Variants in CHST11 observed in about 807,000 individuals in gnomAD.
CHST11 encodes the protein C4S-1.
CHST11 carries 9 observed loss-of-function variants against 30.4 expected under a neutral mutation model. The ratio of observed to expected loss-of-function variants is 0.30; its 90% CI spans 0.18 to 0.52. CHST11 has a LOEUF of 0.52. Among genes scored for constraint, CHST11 ranks in the 20% least tolerant of loss-of-function variants. CHST11 has a pLI of 0.97. For missense variants in CHST11, 348 were observed against 460.6 expected, an observed-to-expected ratio of 0.76 and a Z score of 2.24; for synonymous variants, 152 against 187.8, an observed-to-expected ratio of 0.81 and a Z score of 1.56.
intron 2 of CHST11, among the ~76,000 whole-genome samples, chr12:104,685,873 T>C (rs2039841672): frequency 6.6e-6 from 1 of 152,192 alleles, no homozygotes; most frequent in Non-Finnish European, 1.5e-5. Flanking sequence ...ATTCCTGTGC[T>C]ATTTGGGGAC....
chr12:104,529,019 A>G (rs1167355165), intron 1 of CHST11, among the ~76,000 whole-genome samples: 1 of 152,248 alleles, frequency 6.6e-6, no homozygotes, highest in Non-Finnish European at 1.5e-5. Flanking sequence ...CCATCAGGAA[A>G]TAGCTGTGTC....
At chr12:104,602,197 G>A in intron 2 of CHST11, 2 of 594,298 alleles carry the variant, frequency 3.4e-6, no homozygotes, top group South Asian at 4.2e-5. Flanking sequence ...TTAGAGAAAT[G>A]CCTAGGTTTA....
chr12:104,695,282 T>C (rs969465898), intron 2 of CHST11, among the ~76,000 whole-genome samples: 1 of 152,180 alleles, frequency 6.6e-6, no homozygotes, highest in Non-Finnish European at 1.5e-5. Flanking sequence ...GGGCCTCAGC[T>C]CAGCCCCCTC....
In CHST11 at chr12:104,457,160, G is replaced by A. The variant is rs140095841; in HGVS notation, c.-252G>A. On this transcript the variant is annotated 5_prime_UTR_variant, in exon 1 of 3. Transcript: ENST00000303694. ...ATCGGAGGAGGCGGCGGAGCGGCGA[G>A]GAGGAGGAGCAGGAGCGCGCAGCCA... is the stretch of plus-strand genomic sequence containing the variant. 195 of 311,858 alleles carry A rather than the reference G, an allele frequency of 6.3e-4. 2 individuals are homozygous for A. In the South Asian group the frequency reaches 0.011, roughly 17 times the overall value. The allele number at this position is 311,858 out of a possible 1,614,324, so 19.3% of individuals were successfully genotyped here. A position where few individuals can be genotyped will look rare whatever the true frequency, so the allele number is the denominator to read the frequency against.
At chr12:104,668,467 G>T (rs1231173889) in intron 2 of CHST11, among the ~76,000 whole-genome samples, 1 of 152,130 alleles carries the variant, frequency 6.6e-6, no homozygotes, top group Non-Finnish European at 1.5e-5. Flanking sequence ...TCAGCTGAAG[G>T]ACTTGTGAGT....
intron 1 of CHST11, among the ~76,000 whole-genome samples, chr12:104,495,333 G>A (rs144146677): frequency 0.014 from 2,096 of 152,208 alleles, 24 homozygotes; most frequent in Middle Eastern, 0.024. Flanking sequence ...TGAAAGAATT[G>A]AAAGAAGTGG....
chr12:104,662,889 G>C (rs544469886), intron 2 of CHST11, among the ~76,000 whole-genome samples: 2 of 152,112 alleles, frequency 1.3e-5, no homozygotes, highest in African/African-American at 4.8e-5. Flanking sequence ...ACTGACCTCC[G>C]TGAAGGAATT....
intron 2 of CHST11, among the ~76,000 whole-genome samples, chr12:104,726,502 C>A (rs1299651137): frequency 6.6e-6 from 1 of 152,176 alleles, no homozygotes; most frequent in East Asian, 1.9e-4. Context: ...AAAATAGACT[C>A]TTTCCACAGA....
At chr12:104,620,509 A>G (rs2039149449) in intron 2 of CHST11, among the ~76,000 whole-genome samples, 1 of 152,208 alleles carries the variant, frequency 6.6e-6, no homozygotes, top group East Asian at 1.9e-4. Context: ...AAATGGGCTG[A>G]TTTAGCGCTG....
At chr12:104,584,625 A>G (rs2038783753) in intron 1 of CHST11, among the ~76,000 whole-genome samples, 1 of 152,100 alleles carries the variant, frequency 6.6e-6, no homozygotes, top group South Asian at 2.1e-4. Flanking sequence ...CCCGACCCAC[A>G]TAATATTTTG....
intron 1 of CHST11, among the ~76,000 whole-genome samples, chr12:104,599,728 G>A (rs1203298763): frequency 2.0e-5 from 3 of 152,204 alleles, no homozygotes; most frequent in Admixed American, 6.5e-5. Context: ...TGGGCATGTA[G>A]CTATGTTTGG....
chr12:104,503,068 T>TATAG (rs1182618124), intron 1 of CHST11, among the ~76,000 whole-genome samples: 17 of 152,318 alleles, frequency 1.1e-4, no homozygotes, highest in African/African-American at 4.1e-4. Context: ...GAGAGTAATG[T>TATAG]ATAGATGCAG....
chr12:104,624,570 TA>T (rs1476868771), intron 2 of CHST11, among the ~76,000 whole-genome samples: 2 of 152,198 alleles, frequency 1.3e-5, no homozygotes, highest in Admixed American at 1.3e-4. Context: ...AGAATTCATG[TA>T]AAATGAAGAT....
chr12:104,714,739 T>C (rs1354305123), intron 2 of CHST11, among the ~76,000 whole-genome samples: 1 of 152,136 alleles, frequency 6.6e-6, no homozygotes, highest in Non-Finnish European at 1.5e-5. Context: ...AGGTGCAGCG[T>C]GGGGTAGAGA....
intron 2 of CHST11, among the ~76,000 whole-genome samples, chr12:104,691,654 A>AT (rs1347970646): frequency 2.6e-5 from 4 of 151,350 alleles, no homozygotes; most frequent in South Asian, 2.1e-4. Flanking sequence ...TGCCCAGCTA[A>AT]TTTTTTTTTA....
At chr12:104,462,167 C>CAAAAAAAAAAAAAAA (rs796356338) in intron 1 of CHST11, among the ~76,000 whole-genome samples, 4 of 65,598 alleles carry the variant, frequency 6.1e-5, no homozygotes, top group Admixed American at 1.8e-4. Flanking sequence ...AACACCATCT[C>CAAAAAAAAAAAAAAA]AAAAAAAAAA....
At chr12:104,536,969 C>T (rs2038243278) in intron 1 of CHST11, among the ~76,000 whole-genome samples, 1 of 152,208 alleles carries the variant, frequency 6.6e-6, no homozygotes, top group African/African-American at 2.4e-5. Context: ...TCAGAGGCAG[C>T]AGTCCTAATA....
chr12:104,514,340 G>A, intron 1 of CHST11: 6 of 967,638 alleles, frequency 6.2e-6, no homozygotes, highest in African/African-American at 1.6e-5. Flanking sequence ...TGTCTCTCAA[G>A]CAGCAGCTCT....
chr12:104,650,065 G>A (rs1204469534), intron 2 of CHST11, among the ~76,000 whole-genome samples: 1 of 152,318 alleles, frequency 6.6e-6, no homozygotes, highest in South Asian at 2.1e-4. Context: ...GTCAGAGAGG[G>A]CAGGGGAGAG....
Sources: allele counts gnomAD v4.1 joint callset (sites outside exome capture counted in the v4.1 genomes callset), GRCh38; gene constraint gnomAD v4.1.1; transcripts MANE v1.5; gene names NCBI Gene and HGNC (gene_info 2026-07-23, HGNC 2026-07-21).